The following CADM2 variants were observed in gnomAD, a reference collection of about 807,000 sequenced individuals.
CADM2 encodes the protein cell adhesion molecule 2.
Under a neutral mutation model 49.8 loss-of-function variants are expected in CADM2, and 12 were observed. That is an observed-to-expected ratio of 0.24 (90% CI 0.15 to 0.39). The LOEUF is 0.39. Among genes scored for constraint, CADM2 ranks in the 10% least tolerant of loss-of-function variants. The pLI is 1.00. For synonymous variants in CADM2, 214 were observed against 175.4 expected, an observed-to-expected ratio of 1.22 and a Z score of -1.74; for missense variants, 378 against 492.3, an observed-to-expected ratio of 0.77 and a Z score of 2.20.
At chr3:85,212,805 T>TTTTCTTCTC (rs2041809110) in intron 1 of CADM2, among the ~76,000 whole-genome samples, 1 of 148,660 alleles carries the variant, frequency 6.7e-6, no homozygotes, top group Non-Finnish European at 1.5e-5. Flanking sequence ...ATTTTCTTCT[T>TTTTCTTCTC]TTTCTTCTCT....
intron 2 of CADM2, among the ~76,000 whole-genome samples, chr3:85,781,479 C>A (rs73845665): frequency 0.051 from 7,733 of 152,220 alleles, 553 homozygotes; most frequent in African/African-American, 0.16. Flanking sequence ...GAGTCTATTT[C>A]AAATACTTTA....
chr3:85,151,634 A>C (rs1224706589), intron 1 of CADM2, among the ~76,000 whole-genome samples: 1 of 152,162 alleles, frequency 6.6e-6, no homozygotes, highest in Non-Finnish European at 1.5e-5. Flanking sequence ...GCTCCCTCAT[A>C]ATTTTTTATG....
At chr3:85,307,318 A>G (rs1458713431) in intron 1 of CADM2, among the ~76,000 whole-genome samples, 2 of 151,632 alleles carry the variant, frequency 1.3e-5, no homozygotes, top group Non-Finnish European at 3.0e-5. Flanking sequence ...TATTCTGTGA[A>G]AATTTTCTCA....
At chr3:85,414,499 T>A (rs566733720) in intron 1 of CADM2, among the ~76,000 whole-genome samples, 1 of 152,190 alleles carries the variant, frequency 6.6e-6, no homozygotes, top group Non-Finnish European at 1.5e-5. Flanking sequence ...ACCAACTTCA[T>A]TTTAGGTTTC....
intron 1 of CADM2, among the ~76,000 whole-genome samples, chr3:85,584,274 A>G (rs2062875122): frequency 6.6e-6 from 1 of 152,084 alleles, no homozygotes. Flanking sequence ...TAGAATACTG[A>G]TAATATTCCA....
intron 2 of CADM2, among the ~76,000 whole-genome samples, chr3:85,794,991 G>A (rs2071538491): frequency 6.6e-6 from 1 of 151,954 alleles, no homozygotes; most frequent in Admixed American, 6.6e-5. Flanking sequence ...AATTTTGCAT[G>A]TTTTTGGGGT....
At chr3:85,677,602 A>G (rs150883019) in intron 1 of CADM2, among the ~76,000 whole-genome samples, 1 of 152,316 alleles carries the variant, frequency 6.6e-6, no homozygotes, top group East Asian at 1.9e-4. Context: ...TAGATAAAAT[A>G]AAGAATTATT....
intron 1 of CADM2, among the ~76,000 whole-genome samples, chr3:85,409,517 G>C (rs1701892114): frequency 6.6e-6 from 1 of 152,060 alleles, no homozygotes; most frequent in Admixed American, 6.6e-5. Context: ...AGCTTTCTGT[G>C]CTATACCAGG....
chr3:85,210,513 A>C (rs909059962), intron 1 of CADM2, among the ~76,000 whole-genome samples: 1 of 151,746 alleles, frequency 6.6e-6, no homozygotes, highest in African/African-American at 2.4e-5. Context: ...ATTAGGAAGT[A>C]TTCTCTTTTC....
At chr3:85,277,352 C>T (rs1269997270) in intron 1 of CADM2, among the ~76,000 whole-genome samples, 3 of 151,234 alleles carry the variant, frequency 2.0e-5, no homozygotes, top group Admixed American at 6.6e-5. Context: ...CTCCCTAAAA[C>T]GAGGCACACC....
intron 6 of CADM2, among the ~76,000 whole-genome samples, chr3:85,920,780 C>T (rs9309996): frequency 0.66 from 100,165 of 151,172 alleles, 33,800 homozygotes; most frequent in African/African-American, 0.79. Context: ...ATTAATAGTA[C>T]GTAACAATTT....
At chr3:85,585,546 G>A (rs1482055662) in intron 1 of CADM2, among the ~76,000 whole-genome samples, 2 of 151,856 alleles carry the variant, frequency 1.3e-5, no homozygotes, top group Admixed American at 6.6e-5. Context: ...AGGAATGTTT[G>A]TATAAAAAAA....
intron 1 of CADM2, among the ~76,000 whole-genome samples, chr3:84,960,767 C>T (rs1457426949): frequency 6.6e-6 from 1 of 151,980 alleles, no homozygotes; most frequent in African/African-American, 2.4e-5. Flanking sequence ...AGTGAGGGGG[C>T]TGTGTGGAAT....
chr3:85,058,084 T>A (rs1473233776), intron 1 of CADM2, among the ~76,000 whole-genome samples: 1 of 152,220 alleles, frequency 6.6e-6, no homozygotes, highest in South Asian at 2.1e-4. Flanking sequence ...TTATATTCTG[T>A]CTTTTTCTCT....
chr3:85,973,791 T>C (rs565922114), intron 8 of CADM2, among the ~76,000 whole-genome samples: 1 of 151,874 alleles, frequency 6.6e-6, no homozygotes, highest in East Asian at 2.0e-4. Context: ...CAGTATGTCA[T>C]GAATGGAAGC....
chr3:86,012,756 G>T (rs1349019675), intron 8 of CADM2: 1 of 688,894 alleles, frequency 1.5e-6, no homozygotes, highest in Non-Finnish European at 2.5e-6. Flanking sequence ...TTGGGAGGCC[G>T]AGGAGGTCAG....
chr3:85,811,175 G>A (rs947668829), intron 3 of CADM2, among the ~76,000 whole-genome samples: 5 of 152,030 alleles, frequency 3.3e-5, no homozygotes, highest in Non-Finnish European at 7.4e-5. Flanking sequence ...ATATTTTAGG[G>A]AAATTATATG....
At chr3:86,014,914 A>G in intron 8 of CADM2, 1 of 1,521,070 alleles carries the variant, frequency 6.6e-7, no homozygotes, top group Non-Finnish European at 9.1e-7. Flanking sequence ...ATGACGGTTG[A>G]GAATGAGTGG....
At chr3:85,581,269 A>G (rs2062788139) in intron 1 of CADM2, among the ~76,000 whole-genome samples, 2 of 152,098 alleles carry the variant, frequency 1.3e-5, no homozygotes, top group Admixed American at 1.3e-4. Flanking sequence ...ATACTACACT[A>G]GGTCTATGCA....
Sources: gnomAD v4.1 joint callset for allele counts (sites outside exome capture counted in the v4.1 genomes callset) on GRCh38, gnomAD v4.1.1 for gene constraint, MANE v1.5 for transcripts, NCBI Gene and HGNC (gene_info 2026-07-23, HGNC 2026-07-21) for gene names.